The following SP3 variants were observed in gnomAD, a reference collection of about 807,000 sequenced individuals.
SP3 encodes Sp3 transcription factor, also known as transcription factor Sp3.
In SP3, 10 loss-of-function variants were observed where a neutral mutation model predicts 70.3. The ratio of observed to expected loss-of-function variants is 0.14; its 90% CI spans 0.09 to 0.24. The LOEUF (loss-of-function observed/expected upper bound fraction) is 0.24. SP3 is among the 10% of genes least tolerant of loss of function. The pLI is 1.00. For missense variants in SP3, 825 were observed against 914.6 expected, an observed-to-expected ratio of 0.90 and a Z score of 1.26; for synonymous variants, 402 against 333.5, an observed-to-expected ratio of 1.21 and a Z score of -2.24.
intron 6 of SP3, among the ~76,000 whole-genome samples, chr2:173,910,768 T>C (rs534299740): frequency 2.0e-5 from 3 of 152,288 alleles, no homozygotes; most frequent in Admixed American, 1.3e-4. Context: ...GAGTAATCCT[T>C]AGAAAAATGA....
intron 2 of SP3, chr2:173,964,111 G>A (rs562295902): frequency 7.2e-4 from 255 of 354,172 alleles, no homozygotes; most frequent in Middle Eastern, 1.5e-3. Context: ...CGGGCAGGCG[G>A]GCGGCGGGCT....
At position 173,909,969 on chromosome 2, in the gene SP3, G is replaced by C. The variant is rs1473006538; in HGVS notation, c.2318C>G (p.Thr773Arg). The C allele has an allele frequency of 6.2e-7, 1 of 1,613,768 alleles. No individual in the cohort carries two copies. The highest frequency in any genetic ancestry group is 1.7e-5 in the Admixed American group (1 of 60,004). Reference protein sequence around the residue: ...TNTEIPLQLVTVSGNETME With the variant: ...TNTEIPLQLVRVSGNETME Reference sequence around the variant, plus strand: ...CTCCATTGTCTCATTTCCAGAAACTGTGACAAGCTGTAAAGGTATTTCAGT... The same window carrying C: ...CTCCATTGTCTCATTTCCAGAAACTCTGACAAGCTGTAAAGGTATTTCAGT... Residue 773 changes from threonine (T) to arginine (R), a missense_variant, in exon 7 of 7, where the codon ACA becomes AGA. Physicochemically the swap from Thr to Arg is moderately conservative, Grantham distance 71. Around this residue, in one of 4 missense-constraint regions of SP3, gnomAD observed 91 missense variants for 97.4 expected, o/e 0.93. Coordinates refer to ENST00000310015, the MANE Select transcript of SP3 (RefSeq NM_003111.5).
At chr2:173,959,447 C>T (rs1004998107) in intron 3 of SP3, among the ~76,000 whole-genome samples, 1 of 150,364 alleles carries the variant, frequency 6.7e-6, no homozygotes, top group African/African-American at 2.5e-5. Context: ...ACAACCGTGA[C>T]AGGGCCGGTG....
chr2:173,960,496 T>C (rs950261699), intron 3 of SP3, among the ~76,000 whole-genome samples: 6 of 152,148 alleles, frequency 3.9e-5, no homozygotes, highest in African/African-American at 1.4e-4. Flanking sequence ...AGACTTCAAA[T>C]AGAATTACCC....
At position 173,942,763 on chromosome 2, in the gene SP3, C is replaced by T. The variant is rs556593028; in HGVS notation, c.1639+12110G>A. 3.9e-5 allele frequency among the ~76,000 whole-genome samples: 6 copies of T among 152,280 alleles called. No individual in the cohort carries two copies. The South Asian group carries it at 1.2e-3, about 32-fold the overall frequency. On this transcript the variant is annotated intron_variant, in intron 4 of 6. Transcript: ENST00000310015. Reference sequence around the variant, plus strand: ...ACTCCACCCTTCCCTAGATTTTCTTCATTACTAGCCTAGCCAAACTATCAT... The same window carrying T: ...ACTCCACCCTTCCCTAGATTTTCTTTATTACTAGCCTAGCCAAACTATCAT...
rs1458015815 is a variant in SP3, at chr2:173,965,234, C to A, written c.-63G>T. The A allele has an allele frequency of 1.3e-6, 2 of 1,497,180 alleles. No homozygotes were observed. Among genetic ancestry groups the A allele is most frequent in the Non-Finnish European group, 1.8e-6 (2 of 1,108,718 alleles). The allele number at this position is 1,497,180 out of a possible 1,614,324, so 92.7% of individuals were successfully genotyped here. ...CCTTACACATGGTGAGGAGCGAAGG[C>A]GGCGGCGGCGGGAGAGGATGCGGGA... On this transcript the variant is annotated 5_prime_UTR_variant, in exon 1 of 7. Transcript: ENST00000310015.
chr2:173,901,359 G>A lies in SP3; in HGVS notation c.*8582C>T, dbSNP rs1689186855. ...AAAATTAAAAGATAAGCCTTAGACT[G>A]AGAAAAGATACTATCAGCCTATATA... On this transcript the variant is annotated 3_prime_UTR_variant, in exon 7 of 7. Transcript: ENST00000310015. 6.6e-6 allele frequency among the ~76,000 whole-genome samples: 1 copy of A among 151,920 alleles called. No individual in the cohort carries two copies. The highest frequency in any genetic ancestry group is 2.4e-5 in the African/African-American group (1 of 41,360).
chr2:173,964,417 T>TGCC lies in SP3; in HGVS notation c.141_143dup (p.Ala51dup), dbSNP rs1168474950. The TGCC allele has an allele frequency of 1.4e-6, 1 of 721,066 alleles. No individual in the cohort carries two copies. Among genetic ancestry groups the TGCC allele is most frequent in the East Asian group, 2.8e-5 (1 of 36,108 alleles). The allele number at this position is 721,066 out of a possible 1,614,324, so 44.7% of individuals were successfully genotyped here. ...AGCCGCTCCTCACCTGGGCCGCCGC[T>TGCC]GCCGCCGCCACCGCACCGTTTCCGT... On this transcript the variant is annotated inframe_insertion, in exon 2 of 7. Transcript: ENST00000310015.
intron 4 of SP3, among the ~76,000 whole-genome samples, chr2:173,945,040 C>T (rs965331441): frequency 1.3e-5 from 2 of 152,170 alleles, no homozygotes; most frequent in African/African-American, 2.4e-5. Flanking sequence ...TGGTTTAAAT[C>T]ACATAGCTAT....
In SP3 at chr2:173,913,138, T is replaced by C. The variant is rs1353819071; in HGVS notation, c.1961A>G (p.Asn654Ser). The C allele has an allele frequency of 6.2e-7, 1 of 1,613,036 alleles. No homozygotes were observed. The highest frequency in any genetic ancestry group is 8.5e-7 in the Non-Finnish European group (1 of 1,179,356). Residue 654 changes from asparagine (N) to serine (S), a missense_variant, in exon 6 of 7, where the codon AAC (asparagine) becomes AGC (serine). Physicochemically the swap from Asn to Ser is conservative, Grantham distance 46 (BLOSUM62 1). Coordinates refer to ENST00000310015, the MANE Select transcript of SP3 (RefSeq NM_003111.5). ...AAATCTTTTACCACAGTACATCCAG[T>C]TACAAACAAAAGGGCGTTCTCCAGA... is the stretch of plus-strand genomic sequence containing the variant. ...WHSGERPFVC[N>S]WMYCGKRFTR...
intron 4 of SP3, among the ~76,000 whole-genome samples, chr2:173,936,745 A>C (rs1395951567): frequency 6.6e-6 from 1 of 152,160 alleles, no homozygotes; most frequent in African/African-American, 2.4e-5. Context: ...AATAATACCT[A>C]TTAATATCTT....
At position 173,955,984 on chromosome 2, in the gene SP3, G is replaced by A. The variant is rs769641050; in HGVS notation, c.528C>T (p.Ile176=). 2.5e-6 allele frequency: 4 copies of A among 1,614,160 alleles called. No individual in the cohort carries two copies. The highest frequency in any genetic ancestry group is 3.4e-6 in the Non-Finnish European group (4 of 1,180,022). The part of the protein sequence containing the change: ...SSVQYQVIPQ[I]QSADGQQVQI... ...GAACCTGCTGACCATCTGCTGACTG[G>A]ATCTGTGGTATCACTTGATATTGAA... The change falls in exon 4 of 7, where the codon ATC becomes ATT. Residue 176 remains isoleucine, a synonymous_variant. Transcript: ENST00000310015.
intron 5 of SP3, chr2:173,914,278 T>C (rs1574397343): frequency 6.6e-6 from 1 of 152,172 alleles, no homozygotes; most frequent in Non-Finnish European, 1.5e-5. Flanking sequence ...TTCTGAGTTT[T>C]TTTAAAAAAG....
In SP3 at chr2:173,906,849, T is replaced by C. The variant is rs1054303388; in HGVS notation, c.*3092A>G. On this transcript the variant is annotated 3_prime_UTR_variant, in exon 7 of 7. Coordinates refer to ENST00000310015, the MANE Select transcript of SP3 (RefSeq NM_003111.5). ...CTCCAGAGATGTTGATTTAGTAAGCTGAGGTGGCTACCAGGCCTATGGAAT... is the reference window on the plus strand; with the variant it reads ...CTCCAGAGATGTTGATTTAGTAAGCCGAGGTGGCTACCAGGCCTATGGAAT... The C allele has an allele frequency of 2.6e-5, 4 of 152,220 alleles. No homozygotes were observed. The highest frequency in any genetic ancestry group is 7.2e-5 in the African/African-American group (3 of 41,460). 9.4% of individuals were successfully genotyped at this position (152,220 alleles called of 1,614,324 possible).
intron 4 of SP3, among the ~76,000 whole-genome samples, chr2:173,951,403 A>G (rs1371893704): frequency 6.6e-6 from 1 of 152,210 alleles, no homozygotes; most frequent in African/African-American, 2.4e-5. Context: ...AATTTAGTTC[A>G]TTTAAAAATA....
intron 4 of SP3, among the ~76,000 whole-genome samples, chr2:173,923,692 CAA>C (rs971740828): frequency 2.6e-5 from 4 of 151,912 alleles, no homozygotes; most frequent in Admixed American, 6.6e-5. Flanking sequence ...TTGTTCTTAT[CAA>C]AGTCTTTCAT....
At chr2:173,924,386 G>A (rs1175208217) in intron 4 of SP3, among the ~76,000 whole-genome samples, 1 of 152,182 alleles carries the variant, frequency 6.6e-6, no homozygotes, top group African/African-American at 2.4e-5. Context: ...GATGTGACCT[G>A]TAATTAGTAA....
At chr2:173,951,698 T>C (rs568873827) in intron 4 of SP3, among the ~76,000 whole-genome samples, 1 of 152,332 alleles carries the variant, frequency 6.6e-6, no homozygotes, top group Non-Finnish European at 1.5e-5. Context: ...CTTTGAATAC[T>C]ACACCAAACT....
At chr2:173,940,411 G>A (rs1052192136) in intron 4 of SP3, among the ~76,000 whole-genome samples, 39 of 152,174 alleles carry the variant, frequency 2.6e-4, no homozygotes, top group Non-Finnish European at 4.4e-5. Flanking sequence ...TGCTGTTGAT[G>A]TGACAGGAGG....
Sources: gnomAD v4.1 joint callset for allele counts (sites outside exome capture counted in the v4.1 genomes callset) on GRCh38, gnomAD v4.1.1 for gene constraint, gnomAD v4.1.1 regional missense constraint, MANE v1.5 for transcripts, NCBI Gene and HGNC (gene_info 2026-07-23, HGNC 2026-07-21) for gene names.